ESR2: variants seen among roughly 807,000 people sequenced by gnomAD.
The protein encoded by ESR2 is estrogen receptor 2.
ESR2 carries 36 observed loss-of-function variants against 49.6 expected under a neutral mutation model. The ratio of observed to expected loss-of-function variants is 0.73; its 90% CI spans 0.56 to 0.96. The LOEUF is 0.96. Ranked by LOEUF, ESR2 falls within the 40% of genes least tolerant of loss-of-function variation. The probability of loss-of-function intolerance (pLI) is 0.00; values close to 1 mark genes in which losing one functional copy is unlikely to be tolerated. For synonymous variants in ESR2, 320 were observed against 266.1 expected (o/e 1.20, Z -1.97); for missense variants, 714 against 693.0 (o/e 1.03, Z -0.34).
chr14:64,286,640 A>T (rs941345213), intron 1 of ESR2, among the ~76,000 whole-genome samples: 1 of 152,132 alleles, frequency 6.6e-6, no homozygotes, highest in African/African-American at 2.4e-5. Context: ...CAACATAAAC[A>T]ATTCCTTATT....
chr14:64,313,569 G>T (rs2077209661), intron 1 of ESR2, among the ~76,000 whole-genome samples: 1 of 149,102 alleles, frequency 6.7e-6, no homozygotes, highest in Non-Finnish European at 1.5e-5. Context: ...AAGAGAGAGA[G>T]AAAGAGAAAG....
chr14:64,231,082 C>T lies in ESR2; in HGVS notation c.*2055G>A, dbSNP rs1402762341. 2.0e-5 allele frequency: 3 copies of T among 151,782 alleles called. No homozygotes were observed. The highest frequency in any genetic ancestry group is 2.0e-4 in the Admixed American group (3 of 15,230). 9.4% of individuals were successfully genotyped at this position (151,782 alleles called of 1,614,324 possible). A position where few individuals can be genotyped will look rare whatever the true frequency, so the allele number is the denominator to read the frequency against. On this transcript the variant is annotated 3_prime_UTR_variant, in exon 9 of 9. Transcript: ENST00000341099. ...TTGTATCTTTTGTAGGACAGGGTTT[C>T]CATGTTGCCCAGCCTGGAGTCAAAC...
At chr14:64,253,590 GTGTGTGTGTGTGTGTA>G (rs1267811241) in intron 6 of ESR2, among the ~76,000 whole-genome samples, 2 of 140,894 alleles carry the variant, frequency 1.4e-5, no homozygotes, top group African/African-American at 2.8e-5. Context: ...GTGTGTGTGT[GTGTGTGTGTGTGTGTA>G]TGTATGTGTG....
intron 6 of ESR2, among the ~76,000 whole-genome samples, chr14:64,250,939 T>G (rs1044581975): frequency 2.6e-5 from 4 of 152,222 alleles, no homozygotes; most frequent in African/African-American, 9.6e-5. Flanking sequence ...ATTACTGAGT[T>G]ACTAAATTTA....
chr14:64,316,519 A>G (rs1170799833), intron 1 of ESR2, among the ~76,000 whole-genome samples: 1 of 152,152 alleles, frequency 6.6e-6, no homozygotes, highest in Non-Finnish European at 1.5e-5. Flanking sequence ...CCAAAAAAAT[A>G]TAACTGTGGC....
intron 5 of ESR2, 38 bp from the exon 6 acceptor site, chr14:64,257,402 T>C: frequency 6.2e-7 from 1 of 1,609,432 alleles, no homozygotes; most frequent in Non-Finnish European, 8.5e-7. Context: ...CCCCCACCCC[T>C]CCTCCTCAGC....
chr14:64,231,701 A>G lies in ESR2; in HGVS notation c.*1436T>C, dbSNP rs1034370599. 2 of 152,370 alleles carry G rather than the reference A, an allele frequency of 1.3e-5. No homozygotes were observed. The highest frequency in any genetic ancestry group is 4.2e-4 in the South Asian group (2 of 4,818). The allele number at this position is 152,370 out of a possible 1,614,324, so 9.4% of individuals were successfully genotyped here. A position where few individuals can be genotyped will look rare whatever the true frequency, so the allele number is the denominator to read the frequency against. ...TTTTCAAAAAGAAAATATATTTAAT[A>G]TCATATCACAAGGTAATTGTTTAAA... On this transcript the variant is annotated 3_prime_UTR_variant, in exon 9 of 9. Coordinates refer to ENST00000341099, the MANE Select transcript of ESR2 (RefSeq NM_001437.3).
chr14:64,240,997 T>G (rs8003034), intron 7 of ESR2, among the ~76,000 whole-genome samples: 26,490 of 150,904 alleles, frequency 0.18, 3,831 homozygotes, highest in African/African-American at 0.4. Flanking sequence ...ACAAAAAAAA[T>G]TAGCCGGGCG....
At chr14:64,305,057 G>A (rs1372434444) in intron 1 of ESR2, among the ~76,000 whole-genome samples, 1 of 150,556 alleles carries the variant, frequency 6.6e-6, no homozygotes, top group African/African-American at 2.4e-5. Context: ...TTGGGAGGCT[G>A]AGGTGGGTGG....
chr14:64,253,536 G>A (rs1202092382), intron 6 of ESR2, among the ~76,000 whole-genome samples: 1 of 151,174 alleles, frequency 6.6e-6, no homozygotes, highest in Non-Finnish European at 1.5e-5. Context: ...TTGAATGAGT[G>A]GGCCTCCCTT....
chr14:64,287,553 T>C (rs1417241385), intron 1 of ESR2, among the ~76,000 whole-genome samples: 1 of 152,206 alleles, frequency 6.6e-6, no homozygotes, highest in Non-Finnish European at 1.5e-5. Context: ...AGATTAACTC[T>C]TTGTCAGTGG....
intron 4 of ESR2, among the ~76,000 whole-genome samples, chr14:64,267,661 G>A (rs1006594112): frequency 2.6e-5 from 4 of 151,802 alleles, no homozygotes; most frequent in Non-Finnish European, 5.9e-5. Context: ...CAGATCACGA[G>A]GTCAGGAGAT....
intron 1 of ESR2, among the ~76,000 whole-genome samples, chr14:64,309,242 G>GT (rs1339032534): frequency 6.6e-6 from 1 of 152,166 alleles, no homozygotes; most frequent in Non-Finnish European, 1.5e-5. Flanking sequence ...AAGAGAGTAT[G>GT]TTATCTAAGC....
rs1015717257 is a variant in ESR2, at chr14:64,232,855, A to T, written c.*282T>A. On this transcript the variant is annotated 3_prime_UTR_variant, in exon 9 of 9. Coordinates refer to ENST00000341099, the MANE Select transcript of ESR2 (RefSeq NM_001437.3). ...TTTAAGATGTTTCACAAAGGGGAGG[A>T]AGGAAGAAGGAAAGTAAGAAAGACC... 2.5e-4 allele frequency: 97 copies of T among 382,108 alleles called. No homozygotes were observed. The highest frequency in any genetic ancestry group is 1.9e-3 in the African/African-American group (93 of 49,760). The allele number at this position is 382,108 out of a possible 1,614,324, so 23.7% of individuals were successfully genotyped here. A position where few individuals can be genotyped will look rare whatever the true frequency, so the allele number is the denominator to read the frequency against.
At chr14:64,247,066 A>C (rs1039154455) in intron 7 of ESR2, among the ~76,000 whole-genome samples, 2 of 152,160 alleles carry the variant, frequency 1.3e-5, no homozygotes, top group Non-Finnish European at 2.9e-5. Flanking sequence ...CAACTCTTGG[A>C]CAGTATCCTG....
At chr14:64,336,829 T>C (rs2077537176) in intron 1 of ESR2, 1 of 152,202 alleles carries the variant, frequency 6.6e-6, no homozygotes, top group African/African-American at 2.4e-5. Context: ...CACAACTCTA[T>C]TTTTGCGCTT....
chr14:64,227,460 A>C, downstream of ESR2: 1 of 1,517,598 alleles, frequency 6.6e-7, no homozygotes, highest in Non-Finnish European at 9.1e-7. Context: ...ATGGATTACA[A>C]TGATCCCAGA....
intron 1 of ESR2, among the ~76,000 whole-genome samples, chr14:64,333,189 T>A (rs2077484417): frequency 6.6e-6 from 1 of 152,182 alleles, no homozygotes; most frequent in Non-Finnish European, 1.5e-5. Context: ...GAAATTAAAC[T>A]GATCAATCAG....
upstream of ESR2, chr14:64,338,119 A>C (rs1181520534): frequency 6.5e-6 from 1 of 154,920 alleles, no homozygotes; most frequent in Non-Finnish European, 1.5e-5. Flanking sequence ...CATCTAGCTT[A>C]TGAAGCCCGC....
Sources: allele counts gnomAD v4.1 joint callset (sites outside exome capture counted in the v4.1 genomes callset), GRCh38; gene constraint gnomAD v4.1.1; transcripts MANE v1.5; gene names NCBI Gene and HGNC (gene_info 2026-07-23, HGNC 2026-07-21).